CSMD2: variants seen among roughly 807,000 people sequenced by gnomAD.
CSMD2 encodes the protein CUB and sushi domain-containing protein 2.
A neutral mutation model predicts 398.5 loss-of-function variants in CSMD2; 130 were observed. The ratio of observed to expected loss-of-function variants is 0.33; its 90% CI spans 0.28 to 0.38. The LOEUF is 0.38. Among genes scored for constraint, CSMD2 ranks in the 10% least tolerant of loss-of-function variants. The pLI is 1.00. For synonymous variants in CSMD2, 1,828 were observed against 1,908.5 expected (o/e 0.96, Z 1.10); for missense variants, 3,829 against 4,764.9 (o/e 0.80, Z 5.78).
intron 3 of CSMD2, among the ~76,000 whole-genome samples, chr1:34,009,660 G>A (rs948504507): frequency 1.3e-5 from 2 of 152,016 alleles, no homozygotes; most frequent in Admixed American, 6.5e-5. Flanking sequence ...CCCTCCTGGA[G>A]GGTTAACTAG....
chr1:33,690,406 C>T (rs1645197071), intron 25 of CSMD2, among the ~76,000 whole-genome samples: 1 of 152,192 alleles, frequency 6.6e-6, no homozygotes, highest in African/African-American at 2.4e-5. Flanking sequence ...TCCTGTCCTG[C>T]TTTTTCATTC....
At chr1:34,133,627 T>C (rs1638388433) in intron 1 of CSMD2, among the ~76,000 whole-genome samples, 1 of 151,422 alleles carries the variant, frequency 6.6e-6, no homozygotes, top group East Asian at 2.0e-4. Flanking sequence ...CAAGACTCTG[T>C]CCAAAAGAAA....
chr1:33,766,583 C>T (rs1458393373), intron 13 of CSMD2, among the ~76,000 whole-genome samples: 4 of 152,226 alleles, frequency 2.6e-5, no homozygotes, highest in African/African-American at 7.2e-5. Context: ...CTTGAGGACA[C>T]GGACCGTGCC....
chr1:33,617,087 T>C (rs1641442015), intron 38 of CSMD2, 112 bp from the exon 39 acceptor site: 1 of 767,342 alleles, frequency 1.3e-6, no homozygotes, highest in Non-Finnish European at 2.3e-6. Flanking sequence ...AGGAACAAGA[T>C]ACACAAAGAC....
At chr1:34,053,148 C>T (rs1390986282) in intron 2 of CSMD2, among the ~76,000 whole-genome samples, 1 of 152,186 alleles carries the variant, frequency 6.6e-6, no homozygotes, top group Admixed American at 6.5e-5. Context: ...CACGCCTTCT[C>T]TTGGGGCACA....
intron 25 of CSMD2, among the ~76,000 whole-genome samples, chr1:33,684,285 G>T (rs625757): frequency 1.3e-5 from 2 of 152,330 alleles, no homozygotes; most frequent in Admixed American, 6.5e-5. Context: ...TTTTCCCTGT[G>T]TGTTAATCAT....
chr1:33,573,822 A>G (rs1659822441), intron 49 of CSMD2, among the ~76,000 whole-genome samples: 1 of 152,178 alleles, frequency 6.6e-6, no homozygotes, highest in African/African-American at 2.4e-5. Flanking sequence ...AAAGGAATGC[A>G]AAGAGAATCC....
chr1:33,581,835 G>A (rs1213704373), intron 47 of CSMD2, among the ~76,000 whole-genome samples: 1 of 152,040 alleles, frequency 6.6e-6, no homozygotes, highest in Non-Finnish European at 1.5e-5. Flanking sequence ...CCTGAATGAT[G>A]GCTCTACTAT....
chr1:33,623,328 A>T, intron 36 of CSMD2, 42 bp downstream of exon 36: 1 of 1,253,312 alleles, frequency 8.0e-7, no homozygotes, highest in Non-Finnish European at 1.2e-6. Context: ...GATGAGCTCT[A>T]GTACTACCCT....
At chr1:34,165,830 C>T, upstream of CSMD2, 1 of 1,612,578 alleles carries the variant, frequency 6.2e-7, no homozygotes, top group Non-Finnish European at 8.5e-7. Flanking sequence ...TAGCCTCCTA[C>T]CCCATCCCAG....
intron 2 of CSMD2, among the ~76,000 whole-genome samples, chr1:34,042,889 C>G (rs1652023942): frequency 6.6e-6 from 1 of 152,122 alleles, no homozygotes; most frequent in Non-Finnish European, 1.5e-5. Context: ...CGGGGTTTCA[C>G]ACCATTCTCC....
chr1:33,886,631 G>A (rs1392679089), intron 5 of CSMD2, among the ~76,000 whole-genome samples: 1 of 152,174 alleles, frequency 6.6e-6, no homozygotes, highest in Non-Finnish European at 1.5e-5. Flanking sequence ...CACACAGCGT[G>A]GGGCACAGTG....
At chr1:33,731,902 T>C (rs2149223410) in intron 15 of CSMD2, among the ~76,000 whole-genome samples, 1 of 152,290 alleles carries the variant, frequency 6.6e-6, no homozygotes, top group South Asian at 2.1e-4. Context: ...TGAAATTTGC[T>C]GCGAAATAAT....
rs771241797 is a variant in CSMD2, at chr1:33,662,883, C to T, written c.4255+7G>A. The T allele has an allele frequency of 4.3e-6, 7 of 1,613,984 alleles. No individual in the cohort carries two copies. The South Asian group carries it at 7.7e-5, about 18-fold the overall frequency. On this transcript the variant is annotated splice_region_variant and intron_variant, in intron 26 of 70. Coordinates refer to ENST00000373381, the MANE Select transcript of CSMD2 (RefSeq NM_001281956.2). ...TGGAGTGGGGCTGGCAGAGGGCACG[C>T]ACAGACCTGAAAATTGAATGGCAAA...
intron 15 of CSMD2, 21 bp from the exon 16 acceptor site, chr1:33,726,706 G>C (rs1472627534): frequency 1.3e-6 from 2 of 1,597,528 alleles, no homozygotes; most frequent in Admixed American, 1.7e-5. Context: ...AGAAGGAAGA[G>C]AGGCAGCTTT....
intron 41 of CSMD2, among the ~76,000 whole-genome samples, chr1:33,608,075 G>A (rs1570926447): frequency 6.6e-6 from 1 of 152,168 alleles, no homozygotes; most frequent in East Asian, 1.9e-4. Flanking sequence ...AAACCTCAGG[G>A]GGACAGCGGG....
intron 3 of CSMD2, among the ~76,000 whole-genome samples, chr1:34,004,862 T>A (rs752632013): frequency 6.6e-6 from 1 of 152,068 alleles, no homozygotes; most frequent in Non-Finnish European, 1.5e-5. Flanking sequence ...GTTCTGAGAG[T>A]GTTCCCCATC....
chr1:33,968,266 C>T (rs1227623611), intron 3 of CSMD2, among the ~76,000 whole-genome samples: 13 of 152,226 alleles, frequency 8.5e-5, no homozygotes, highest in Non-Finnish European at 1.8e-4. Flanking sequence ...CTTAAGCCCG[C>T]TAACCTCTTG....
At chr1:33,795,045 T>C (rs1654786815) in intron 10 of CSMD2, among the ~76,000 whole-genome samples, 1 of 151,352 alleles carries the variant, frequency 6.6e-6, no homozygotes, top group South Asian at 2.1e-4. Flanking sequence ...GGTATGGACC[T>C]ATAGCAAGGT....
Sources: gnomAD v4.1 joint callset for allele counts (sites outside exome capture counted in the v4.1 genomes callset) on GRCh38, gnomAD v4.1.1 for gene constraint, MANE v1.5 for transcripts, NCBI Gene and HGNC (gene_info 2026-07-23, HGNC 2026-07-21) for gene names.